The following COX7B2 variants were observed in gnomAD, a reference collection of about 807,000 sequenced individuals.
COX7B2 encodes the protein cytochrome c oxidase subunit 7B2, mitochondrial.
For missense variants in COX7B2, 109 were observed against 95.9 expected (o/e 1.14, Z -0.57); for synonymous variants, 37 against 32.1 (o/e 1.15, Z -0.51).
chr4:46,796,910 G>C (rs1174096461), intron 2 of COX7B2, among the ~76,000 whole-genome samples: 2 of 55,674 alleles, frequency 3.6e-5, no homozygotes, highest in Non-Finnish European at 6.5e-5. Flanking sequence ...CATGGACACA[G>C]GAAGGGGAAT....
intron 1 of COX7B2, among the ~76,000 whole-genome samples, chr4:46,856,795 T>C (rs528884714): frequency 3.3e-5 from 5 of 152,264 alleles, no homozygotes; most frequent in African/African-American, 1.2e-4. Flanking sequence ...TAAATTTTAT[T>C]TTTTTACTCA....
intron 2 of COX7B2, among the ~76,000 whole-genome samples, chr4:46,796,445 G>C (rs1268913916): frequency 1.5e-5 from 2 of 137,918 alleles, no homozygotes; most frequent in East Asian, 4.2e-4. Context: ...GGAAACAACA[G>C]GTGCTGGAGA....
At chr4:46,773,659 T>C (rs941061840) in intron 2 of COX7B2, among the ~76,000 whole-genome samples, 1 of 152,184 alleles carries the variant, frequency 6.6e-6, no homozygotes, top group Admixed American at 6.5e-5. Context: ...AGCAAAATCA[T>C]GTTCAACTTG....
chr4:46,875,199 T>C (rs1718247497), intron 1 of COX7B2, among the ~76,000 whole-genome samples: 1 of 152,198 alleles, frequency 6.6e-6, no homozygotes. Context: ...ATTTTGTAGA[T>C]TTTTTGGAAA....
chr4:46,861,398 G>A lies in COX7B2; in HGVS notation c.-104-16384C>T, dbSNP rs139113380. The stretch of plus-strand genomic sequence containing the variant: ...CAAAAGAGAAAATAACGGAGATTTC[G>A]CTAGACTTAGATAAACCTCTGTGTC... On this transcript the variant is annotated intron_variant, in intron 1 of 2. Coordinates refer to ENST00000355591, the MANE Select transcript of COX7B2 (RefSeq NM_130902.3). 7.2e-3 allele frequency among the ~76,000 whole-genome samples: 1,090 copies of A among 152,232 alleles called. 9 individuals are homozygous for A. The highest frequency in any genetic ancestry group is 0.01 in the Non-Finnish European group (712 of 68,020).
At chr4:46,786,303 T>C (rs548869875) in intron 2 of COX7B2, among the ~76,000 whole-genome samples, 18 of 152,336 alleles carry the variant, frequency 1.2e-4, no homozygotes, top group Admixed American at 5.9e-4. Flanking sequence ...CATGTACCTA[T>C]GTAGTACAGA....
chr4:46,884,479 A>G (rs1718948198), intron 1 of COX7B2, among the ~76,000 whole-genome samples: 1 of 152,208 alleles, frequency 6.6e-6, no homozygotes, highest in Non-Finnish European at 1.5e-5. Flanking sequence ...CTACTCACTG[A>G]GTTTTATCAC....
intron 2 of COX7B2, among the ~76,000 whole-genome samples, chr4:46,804,784 CG>C (rs1461565911): frequency 6.6e-6 from 1 of 152,262 alleles, no homozygotes; most frequent in Non-Finnish European, 1.5e-5. Context: ...TATCCCCTAC[CG>C]GGGCCGCAGG....
At chr4:46,904,023 A>C (rs1019872139) in intron 1 of COX7B2, 4 of 152,230 alleles carry the variant, frequency 2.6e-5, no homozygotes, top group Non-Finnish European at 5.9e-5. Flanking sequence ...ATCTGCAAAA[A>C]AAGGTGAGCT....
At chr4:46,888,035 A>T (rs1397010874) in intron 1 of COX7B2, among the ~76,000 whole-genome samples, 1 of 152,128 alleles carries the variant, frequency 6.6e-6, no homozygotes, top group Non-Finnish European at 1.5e-5. Flanking sequence ...ACTCTTAATG[A>T]CTCAAACATC....
intron 2 of COX7B2, among the ~76,000 whole-genome samples, chr4:46,831,828 T>C (rs1199712119): frequency 1.3e-5 from 2 of 152,052 alleles, no homozygotes; most frequent in African/African-American, 4.8e-5. Flanking sequence ...TGTGTCTAGC[T>C]GATCTGGTGA....
chr4:46,739,594 G>T (rs984477786), intron 2 of COX7B2, among the ~76,000 whole-genome samples: 1 of 152,060 alleles, frequency 6.6e-6, no homozygotes, highest in East Asian at 1.9e-4. Flanking sequence ...AGAGGAGGGG[G>T]CGTTTTATCC....
At chr4:46,801,068 T>C (rs530995497) in intron 2 of COX7B2, among the ~76,000 whole-genome samples, 3 of 152,094 alleles carry the variant, frequency 2.0e-5, no homozygotes, top group African/African-American at 4.8e-5. Flanking sequence ...GAATGACTAT[T>C]ATTAAAAAGT....
intron 2 of COX7B2, among the ~76,000 whole-genome samples, chr4:46,804,784 C>T (rs909193924): frequency 2.1e-4 from 32 of 152,380 alleles, no homozygotes; most frequent in Middle Eastern, 3.4e-3. Flanking sequence ...TATCCCCTAC[C>T]GGGGCCGCAG....
At chr4:46,805,384 TTAAG>T (rs1402007162) in intron 2 of COX7B2, among the ~76,000 whole-genome samples, 5 of 152,248 alleles carry the variant, frequency 3.3e-5, no homozygotes, top group African/African-American at 1.2e-4. Context: ...ATGCTACATG[TTAAG>T]TAAGTAATAT....
intron 2 of COX7B2, among the ~76,000 whole-genome samples, chr4:46,798,923 A>G (rs1718505141): frequency 6.6e-6 from 1 of 152,178 alleles, no homozygotes; most frequent in Admixed American, 6.6e-5. Context: ...ACATCGTCAG[A>G]TAACTTGCAC....
chr4:46,840,865 G>T (rs185911261), intron 2 of COX7B2, among the ~76,000 whole-genome samples: 2 of 151,950 alleles, frequency 1.3e-5, no homozygotes, highest in Admixed American at 1.3e-4. Context: ...GTCTGGGAAG[G>T]ATTACAGTAA....
Position 46,783,669 on chromosome 4 carries a change from A to G in COX7B2, c.-49-48428T>C, listed in dbSNP as rs369243003. On this transcript the variant is annotated intron_variant, in intron 2 of 2. Transcript: ENST00000355591. The stretch of plus-strand genomic sequence containing the variant: ...AGGAAAACTCACACATGCTAGGCCC[A>G]TTCCCTGAGGCCAAATAACATTTTG... Among the ~76,000 whole-genome samples the G allele has an allele frequency of 1.2e-3, 186 of 152,338 alleles. 1 individual carries two copies. The highest frequency in any genetic ancestry group is 4.2e-3 in the African/African-American group (176 of 41,586).
At chr4:46,861,553 C>A (rs544025080) in intron 1 of COX7B2, among the ~76,000 whole-genome samples, 25 of 152,256 alleles carry the variant, frequency 1.6e-4, no homozygotes, top group Admixed American at 3.3e-4. Flanking sequence ...ATTTCTACTG[C>A]AACATTGCTC....
Sources: gnomAD v4.1 joint callset for allele counts (sites outside exome capture counted in the v4.1 genomes callset) on GRCh38, gnomAD v4.1.1 for gene constraint, MANE v1.5 for transcripts, NCBI Gene and HGNC (gene_info 2026-07-23, HGNC 2026-07-21) for gene names.